The following CSMD1 variants were observed in gnomAD, a reference collection of about 807,000 sequenced individuals.
The protein encoded by CSMD1 is CUB and Sushi multiple domains 1, also known as CUB and sushi domain-containing protein 1.
In CSMD1, 213 loss-of-function variants were observed where a neutral mutation model predicts 417.5. That is an observed-to-expected ratio of 0.51 (90% CI 0.46 to 0.57). The LOEUF is 0.57. CSMD1 is among the 20% of genes least tolerant of loss of function. The pLI is 0.00. For synonymous variants in CSMD1, 2,862 were observed against 1,736.8 expected (o/e 1.65, Z -16.11); for missense variants, 6,923 against 4,529.7 (o/e 1.53, Z -15.17).
chr8:3,562,334 G>A (rs1011216837), intron 10 of CSMD1, among the ~76,000 whole-genome samples: 1 of 99,422 alleles, frequency 1.0e-5, no homozygotes, highest in Non-Finnish European at 2.2e-5. Context: ...TCCTCTATCT[G>A]CATCTTGGTC....
intron 31 of CSMD1, among the ~76,000 whole-genome samples, chr8:3,205,120 T>C (rs1409526979): frequency 6.6e-6 from 1 of 152,198 alleles, no homozygotes; most frequent in African/African-American, 2.4e-5. Context: ...CTGAGTTCAC[T>C]GAATGTATGT....
At chr8:4,464,118 G>A (rs562458333) in intron 2 of CSMD1, among the ~76,000 whole-genome samples, 40 of 151,452 alleles carry the variant, frequency 2.6e-4, no homozygotes, top group African/African-American at 9.0e-4. Context: ...ATAGAGCTCA[G>A]AACCTTGAGT....
At chr8:4,327,254 T>A (rs1294438645) in intron 3 of CSMD1, among the ~76,000 whole-genome samples, 1 of 152,232 alleles carries the variant, frequency 6.6e-6, no homozygotes, top group Non-Finnish European at 1.5e-5. Context: ...AATACAAACG[T>A]CCATTTTACA....
intron 29 of CSMD1, among the ~76,000 whole-genome samples, chr8:3,215,553 C>T (rs2081750071): frequency 6.6e-6 from 1 of 152,244 alleles, no homozygotes; most frequent in African/African-American, 2.4e-5. Flanking sequence ...CTGCCCACTT[C>T]TGGGGCCCCT....
At chr8:4,241,070 T>C (rs1447102309) in intron 3 of CSMD1, among the ~76,000 whole-genome samples, 1 of 152,190 alleles carries the variant, frequency 6.6e-6, no homozygotes, top group Non-Finnish European at 1.5e-5. Flanking sequence ...ATGGATTTGA[T>C]CGCTGAATTA....
intron 12 of CSMD1, among the ~76,000 whole-genome samples, chr8:3,463,233 C>G (rs986323644): frequency 1.5e-4 from 23 of 152,188 alleles, no homozygotes; most frequent in Non-Finnish European, 3.1e-4. Context: ...CCTTCTCTGC[C>G]TTACAGACGA....
intron 41 of CSMD1, among the ~76,000 whole-genome samples, chr8:3,124,198 A>T (rs1207357726): frequency 6.6e-6 from 1 of 152,128 alleles, no homozygotes; most frequent in African/African-American, 2.4e-5. Context: ...TTCATTATTC[A>T]TTTATTGAGT....
chr8:4,768,235 T>C (rs993991099), intron 1 of CSMD1, among the ~76,000 whole-genome samples: 1 of 152,072 alleles, frequency 6.6e-6, no homozygotes, highest in African/African-American at 2.4e-5. Flanking sequence ...TGAGTGCTGC[T>C]CTGTGGGCTC....
chr8:3,180,123 T>C (rs1015820608), intron 37 of CSMD1, among the ~76,000 whole-genome samples: 4 of 152,246 alleles, frequency 2.6e-5, no homozygotes, highest in African/African-American at 9.6e-5. Flanking sequence ...ACATTTTTAG[T>C]GCTTGAAAAC....
intron 2 of CSMD1, among the ~76,000 whole-genome samples, chr8:4,539,500 A>T (rs1232358773): frequency 1.3e-5 from 2 of 152,166 alleles, no homozygotes; most frequent in Non-Finnish European, 2.9e-5. Context: ...TTCCCCCAAA[A>T]TCCTCTAATA....
rs184855088 is a variant in CSMD1 at position 3,372,062 on chromosome 8, A to G, written c.2783-2692T>C. ...AGGATAAAACCTGTAACAACATAAA[A>G]GGCAGATGATATACAATATTGGCAG... On this transcript the variant is annotated intron_variant, in intron 18 of 69. Transcript: ENST00000635120. Among the ~76,000 whole-genome samples, 235 of 152,326 alleles carry G rather than the reference A, an allele frequency of 1.5e-3. 2 individuals carry two copies. Among genetic ancestry groups the G allele is most frequent in the African/African-American group, 5.2e-3 (218 of 41,564 alleles).
At chr8:3,864,089 T>C (rs1457859400) in intron 5 of CSMD1, among the ~76,000 whole-genome samples, 1 of 152,136 alleles carries the variant, frequency 6.6e-6, no homozygotes, top group Non-Finnish European at 1.5e-5. Flanking sequence ...AAACATACAA[T>C]ATTTTCACCT....
chr8:4,958,357 G>A (rs971138725), intron 1 of CSMD1, among the ~76,000 whole-genome samples: 1 of 152,034 alleles, frequency 6.6e-6, no homozygotes. Context: ...GAACATGGTT[G>A]ATCTTTACCC....
intron 5 of CSMD1, among the ~76,000 whole-genome samples, chr8:3,835,720 C>CAAAA (rs34306675): frequency 6.9e-6 from 1 of 144,820 alleles, no homozygotes; most frequent in African/African-American, 2.5e-5. Context: ...ATAAAATTAA[C>CAAAA]AAAAAAAAAA....
intron 37 of CSMD1, among the ~76,000 whole-genome samples, chr8:3,171,076 G>A (rs2129043879): frequency 6.6e-6 from 1 of 152,324 alleles, no homozygotes; most frequent in Non-Finnish European, 1.5e-5. Flanking sequence ...AAGATCACTT[G>A]AAATTTATGA....
intron 55 of CSMD1, among the ~76,000 whole-genome samples, chr8:2,977,665 G>A (rs918486914): frequency 3.3e-5 from 5 of 152,210 alleles, no homozygotes; most frequent in African/African-American, 7.2e-5. Flanking sequence ...GATGAAAATC[G>A]TTGCAATCTA....
intron 2 of CSMD1, among the ~76,000 whole-genome samples, chr8:4,467,867 C>G (rs1032535634): frequency 2.0e-5 from 3 of 151,916 alleles, no homozygotes; most frequent in Non-Finnish European, 4.4e-5. Context: ...AAAGGAGTTC[C>G]AAAAAAACAG....
chr8:3,344,347 G>T (rs1203249478), intron 22 of CSMD1, among the ~76,000 whole-genome samples: 1 of 152,134 alleles, frequency 6.6e-6, no homozygotes, highest in Non-Finnish European at 1.5e-5. Context: ...AATGCATGCG[G>T]GGCTTAAAAC....
intron 10 of CSMD1, among the ~76,000 whole-genome samples, chr8:3,501,417 G>C (rs969790280): frequency 6.6e-6 from 1 of 152,170 alleles, no homozygotes; most frequent in African/African-American, 2.4e-5. Context: ...GTCAGAAACT[G>C]TGATGGCAGG....
Sources: allele counts gnomAD v4.1 joint callset (sites outside exome capture counted in the v4.1 genomes callset), GRCh38; gene constraint gnomAD v4.1.1; transcripts MANE v1.5; gene names NCBI Gene and HGNC (gene_info 2026-07-23, HGNC 2026-07-21).